GALNT2: variants seen among roughly 807,000 people sequenced by gnomAD.
The protein encoded by GALNT2 is polypeptide N-acetylgalactosaminyltransferase 2.
In GALNT2, 31 loss-of-function variants were observed where a neutral mutation model predicts 81.4. The ratio of observed to expected loss-of-function variants is 0.38; its 90% CI spans 0.29 to 0.51. GALNT2 has a LOEUF of 0.51. Ranked by LOEUF, GALNT2 falls within the 20% of genes least tolerant of loss-of-function variation. The probability of loss-of-function intolerance (pLI) is 0.87; values close to 1 mark genes in which losing one functional copy is unlikely to be tolerated. For synonymous variants in GALNT2, 303 were observed against 287.4 expected, an observed-to-expected ratio of 1.05 and a Z score of -0.55; for missense variants, 629 against 765.7, an observed-to-expected ratio of 0.82 and a Z score of 2.11.
In GALNT2 at chr1:230,275,302, A is replaced by G. The variant is rs1051344584; in HGVS notation, c.1560+738A>G. On this transcript the variant is annotated intron_variant, in intron 15 of 15. Transcript: ENST00000366672. The surrounding 1 kb of genome is among the most constrained non-coding windows in gnomAD (Gnocchi z 5.5). ...GTATATATAGATGCCACATTTATAC[A>G]TATATAAACGCCACATATATATACA... 1.3e-5 allele frequency among the ~76,000 whole-genome samples: 2 copies of G among 151,668 alleles called. No homozygotes were observed. The highest frequency in any genetic ancestry group is 4.8e-5 in the African/African-American group (2 of 41,276).
chr1:230,250,921 C>G (rs1171699877), intron 10 of GALNT2, among the ~76,000 whole-genome samples: 1 of 152,136 alleles, frequency 6.6e-6, no homozygotes, highest in Non-Finnish European at 1.5e-5. Flanking sequence ...GGAAAATGAA[C>G]CCCGGCGAGG....
intron 1 of GALNT2, among the ~76,000 whole-genome samples, chr1:230,148,181 G>A (rs769537301): frequency 7.9e-5 from 12 of 152,228 alleles, no homozygotes; most frequent in East Asian, 1.9e-4. Context: ...TGAGAGCCAC[G>A]AGGTGGACTT....
At chr1:230,189,261 C>T (rs903101828) in intron 2 of GALNT2, among the ~76,000 whole-genome samples, 1 of 152,130 alleles carries the variant, frequency 6.6e-6, no homozygotes, top group African/African-American at 2.4e-5. Context: ...AGTCCTAAGG[C>T]CGTCTGGATT....
At chr1:230,139,186 C>G (rs899738613) in intron 1 of GALNT2, among the ~76,000 whole-genome samples, 3 of 152,160 alleles carry the variant, frequency 2.0e-5, no homozygotes, top group South Asian at 2.1e-4. Context: ...GGTCCCCTCA[C>G]CTTACTGTTT....
At chr1:230,150,523 G>A (rs536399190) in intron 1 of GALNT2, among the ~76,000 whole-genome samples, 1 of 152,368 alleles carries the variant, frequency 6.6e-6, no homozygotes, top group South Asian at 2.1e-4. Context: ...AGAAGTGAAT[G>A]TCTCTGTTAG....
chr1:230,075,417 G>A (rs368262201), intron 1 of GALNT2, among the ~76,000 whole-genome samples: 25 of 152,230 alleles, frequency 1.6e-4, no homozygotes, highest in African/African-American at 5.8e-4. Context: ...CACCGTGCCC[G>A]GCTGCTCTTT....
intron 1 of GALNT2, among the ~76,000 whole-genome samples, chr1:230,152,515 G>A (rs1225816316): frequency 2.0e-5 from 3 of 152,154 alleles, no homozygotes; most frequent in Non-Finnish European, 4.4e-5. Flanking sequence ...TTATGACACC[G>A]TATGTGGATG....
intron 1 of GALNT2, among the ~76,000 whole-genome samples, chr1:230,116,293 G>C (rs1233302609): frequency 2.0e-5 from 3 of 151,882 alleles, no homozygotes; most frequent in African/African-American, 4.8e-5. Flanking sequence ...GCAGTGGCAC[G>C]ATCTCGGCTC....
intron 1 of GALNT2, among the ~76,000 whole-genome samples, chr1:230,108,136 C>G (rs910499): frequency 0.16 from 24,962 of 152,168 alleles, 2,440 homozygotes; most frequent in South Asian, 0.28. Context: ...GGAGCTTGCA[C>G]CCTGAGCCAC....
intron 11 of GALNT2, among the ~76,000 whole-genome samples, chr1:230,260,578 T>C (rs938634236): frequency 2.0e-5 from 3 of 152,196 alleles, no homozygotes; most frequent in Non-Finnish European, 2.9e-5. Flanking sequence ...TCAAATCCTT[T>C]CATGTCCCTG....
chr1:230,097,788 T>C (rs1660293409), intron 1 of GALNT2, among the ~76,000 whole-genome samples: 2 of 152,208 alleles, frequency 1.3e-5, no homozygotes, highest in Non-Finnish European at 2.9e-5. Flanking sequence ...TTAAATACCG[T>C]TTAATAGTGG....
At chr1:230,092,176 G>GTTTTTTTTTGTTTTTTTTTGTTTTT (rs762299242) in intron 1 of GALNT2, 11 of 42,196 alleles carry the variant, frequency 2.6e-4, no homozygotes, top group East Asian at 6.6e-4. Context: ...TATTCCTTTA[G>GTTTTTTTTTGTTTTTTTTTGTTTTT]TTTTTTTTTT....
intron 1 of GALNT2, among the ~76,000 whole-genome samples, chr1:230,172,674 C>G (rs927024161): frequency 3.3e-5 from 5 of 152,326 alleles, no homozygotes; most frequent in African/African-American, 1.2e-4. Flanking sequence ...TCCTCCTCCA[C>G]TCCCCTGACC....
At chr1:230,225,450 C>T (rs1664677132) in intron 3 of GALNT2, among the ~76,000 whole-genome samples, 1 of 152,162 alleles carries the variant, frequency 6.6e-6, no homozygotes, top group Non-Finnish European at 1.5e-5. Context: ...CCCCTTCTGC[C>T]TTGTGGTGGA....
chr1:230,255,205 T>TTCATC lies in GALNT2; in HGVS notation c.1010-12_1010-8dup. 6.2e-7 allele frequency: 1 copy of TTCATC among 1,614,208 alleles called. No individual in the cohort carries two copies. The highest frequency in any genetic ancestry group is 1.1e-5 in the South Asian group (1 of 91,082). ...GGCTCTGTCAGTCACCTGTGTCTTGTTCATCGTCTCAGAGATCTCGTTCCG... is the reference window on the plus strand; with the variant it reads ...GGCTCTGTCAGTCACCTGTGTCTTGTTCATCTCATCGTCTCAGAGATCTCGTTCCG... On this transcript the variant is annotated splice_polypyrimidine_tract_variant and intron_variant, in intron 10 of 15. Transcript: ENST00000366672.
At position 230,243,987 on chromosome 1, in the gene GALNT2, G is replaced by A. The variant is rs973052318; in HGVS notation, c.729+560G>A. On this transcript the variant is annotated intron_variant, in intron 7 of 15. Transcript: ENST00000366672. This position sits in a 1 kb window ranked among gnomAD's most constrained non-coding sequence, Gnocchi z 4.2. Reference sequence around the variant, plus strand: ...CCGCGGCTCCACTTCTGCACCTTCTGCTTTCTAGAAACATCATTGCTAATA... The same window carrying A: ...CCGCGGCTCCACTTCTGCACCTTCTACTTTCTAGAAACATCATTGCTAATA... Among the ~76,000 whole-genome samples, 1 of 151,928 alleles carries A rather than the reference G, an allele frequency of 6.6e-6. No individual in the cohort carries two copies. Among genetic ancestry groups the A allele is most frequent in the Non-Finnish European group, 1.5e-5 (1 of 67,990 alleles).
chr1:230,233,144 G>C (rs534559502), intron 3 of GALNT2, among the ~76,000 whole-genome samples: 26 of 152,336 alleles, frequency 1.7e-4, no homozygotes, highest in African/African-American at 6.3e-4. Flanking sequence ...TTTGGCAGCT[G>C]CTAGACCATC....
intron 8 of GALNT2, 120 bp from the exon 9 acceptor site, chr1:230,249,064 G>A (rs1665461367): frequency 7.0e-6 from 7 of 1,003,426 alleles, no homozygotes; most frequent in South Asian, 1.5e-5. Context: ...TTTTGGCTTT[G>A]TTTTGGTTTT....
chr1:230,216,413 C>G (rs1664391195), intron 3 of GALNT2, among the ~76,000 whole-genome samples: 2 of 152,142 alleles, frequency 1.3e-5, no homozygotes, highest in African/African-American at 2.4e-5. Context: ...ATTATTAAGT[C>G]AAAACACCGA....
Sources: gnomAD v4.1 joint callset for allele counts (sites outside exome capture counted in the v4.1 genomes callset) on GRCh38, gnomAD v4.1.1 for gene constraint, Gnocchi (gnomAD v3.1) non-coding constraint, MANE v1.5 for transcripts, NCBI Gene and HGNC (gene_info 2026-07-23, HGNC 2026-07-21) for gene names.